PSD3: variants seen among roughly 807,000 people sequenced by gnomAD.
The protein encoded by PSD3 is pleckstrin and Sec7 domain containing 3, also known as PH and SEC7 domain-containing protein 3.
PSD3 carries 49 observed loss-of-function variants against 105.5 expected under a neutral mutation model. The ratio of observed to expected loss-of-function variants is 0.46; its 90% CI spans 0.37 to 0.59. The LOEUF (loss-of-function observed/expected upper bound fraction) is 0.59. Among genes scored for constraint, PSD3 ranks in the 20% least tolerant of loss-of-function variants. The probability of loss-of-function intolerance (pLI) is 0.00; values close to 1 mark genes in which losing one functional copy is unlikely to be tolerated. For synonymous variants in PSD3, 557 were observed against 457.8 expected (o/e 1.22, Z -2.77); for missense variants, 1,561 against 1,263.8 (o/e 1.24, Z -3.57).
At chr8:19,045,811 T>C (rs1233966272) in intron 1 of PSD3, among the ~76,000 whole-genome samples, 2 of 152,224 alleles carry the variant, frequency 1.3e-5, no homozygotes, top group African/African-American at 2.4e-5. Context: ...AGCATTCCAC[T>C]AGATGCTTTA....
intron 4 of PSD3, among the ~76,000 whole-genome samples, chr8:18,814,089 A>T (rs923464528): frequency 4.6e-5 from 7 of 152,254 alleles, no homozygotes; most frequent in African/African-American, 1.7e-4. Context: ...ATTCCCTGGA[A>T]GGGACAGCCT....
intron 8 of PSD3, among the ~76,000 whole-genome samples, chr8:18,779,025 C>G (rs550397944): frequency 2.0e-5 from 3 of 152,152 alleles, no homozygotes; most frequent in African/African-American, 7.2e-5. Flanking sequence ...TTGAGGAGAA[C>G]TGATGTTAGA....
chr8:18,946,941 ATAT>A (rs1016847006), intron 1 of PSD3, among the ~76,000 whole-genome samples: 1 of 149,616 alleles, frequency 6.7e-6, no homozygotes, highest in African/African-American at 2.4e-5. Flanking sequence ...TAAATAAAAT[ATAT>A]TATAAAATAA....
chr8:19,062,929 A>G (rs955228791), intron 1 of PSD3, among the ~76,000 whole-genome samples: 1 of 152,220 alleles, frequency 6.6e-6, no homozygotes, highest in Non-Finnish European at 1.5e-5. Context: ...GCCATTAAAA[A>G]CTAGTCAAGA....
intron 11 of PSD3, among the ~76,000 whole-genome samples, chr8:18,608,127 G>C (rs1804994120): frequency 6.6e-6 from 1 of 152,210 alleles, no homozygotes; most frequent in African/African-American, 2.4e-5. Flanking sequence ...GGCTGAAGTA[G>C]GAGGACTGTT....
chr8:18,644,400 A>G (rs766304673), intron 10 of PSD3, among the ~76,000 whole-genome samples: 9 of 152,192 alleles, frequency 5.9e-5, no homozygotes, highest in Non-Finnish European at 1.3e-4. Context: ...CCTTGCTCAT[A>G]AATTCTGCCT....
At chr8:18,667,098 C>G (rs569353093) in intron 9 of PSD3, among the ~76,000 whole-genome samples, 57 of 152,188 alleles carry the variant, frequency 3.7e-4, no homozygotes, top group African/African-American at 1.3e-3. Flanking sequence ...CTCATAAAGG[C>G]AGTGTGGAAG....
At chr8:18,790,863 G>C (rs1488912410) in intron 8 of PSD3, among the ~76,000 whole-genome samples, 1 of 151,724 alleles carries the variant, frequency 6.6e-6, no homozygotes, top group African/African-American at 2.4e-5. Context: ...AAGGTGATAA[G>C]CAACCTTGGC....
intron 9 of PSD3, among the ~76,000 whole-genome samples, chr8:18,707,580 A>G (rs1035182485): frequency 1.1e-4 from 17 of 152,184 alleles, no homozygotes; most frequent in Non-Finnish European, 7.3e-5. Context: ...TATGAGATAG[A>G]TATTATCATC....
chr8:18,572,395 A>G, intron 14 of PSD3, 133 bp downstream of exon 14: 3 of 1,097,104 alleles, frequency 2.7e-6, no homozygotes, highest in East Asian at 2.4e-5. Flanking sequence ...TGCCTCATTT[A>G]TATGATACGC....
chr8:18,744,374 T>C (rs1475883930), intron 9 of PSD3, among the ~76,000 whole-genome samples: 13 of 152,174 alleles, frequency 8.5e-5, no homozygotes, highest in Admixed American at 8.5e-4. Flanking sequence ...GAAGCTATAC[T>C]CTTAACCCCT....
intron 1 of PSD3, among the ~76,000 whole-genome samples, chr8:18,973,002 A>G (rs981097911): frequency 6.6e-6 from 1 of 152,332 alleles, no homozygotes; most frequent in African/African-American, 2.4e-5. Context: ...CAAAACTTCG[A>G]ATTTGGACAA....
chr8:19,015,045 AT>A (rs1446990553), upstream of PSD3, among the ~76,000 whole-genome samples: 10 of 152,164 alleles, frequency 6.6e-5, no homozygotes, highest in Non-Finnish European at 1.3e-4. Context: ...GTTTGGCTGT[AT>A]CCCCACCCAA....
rs1825189713 is a variant in PSD3, at chr8:18,980,364, C to A, written c.21+33199G>T. ...AGGGAAGGAGATGGAGGTAGCTTAT[C>A]TTATGGTCACCTCTTGTCATTTCTC... is the stretch of plus-strand genomic sequence containing the variant. On this transcript the variant is annotated intron_variant, in intron 1 of 15. Coordinates refer to ENST00000327040, the MANE Select transcript of PSD3 (RefSeq NM_015310.4). Among the ~76,000 whole-genome samples the A allele has an allele frequency of 1.3e-5, 2 of 152,164 alleles. 1 individual carries two copies. Among genetic ancestry groups the A allele is most frequent in the South Asian group, 4.2e-4 (2 of 4,818 alleles).
intron 9 of PSD3, among the ~76,000 whole-genome samples, chr8:18,678,486 T>C (rs1800193110): frequency 6.6e-6 from 1 of 152,246 alleles, no homozygotes; most frequent in African/African-American, 2.4e-5. Context: ...ATCAAAACTG[T>C]TCTCTTCGCC....
intron 1 of PSD3, among the ~76,000 whole-genome samples, chr8:19,048,514 T>A (rs1828403337): frequency 6.6e-6 from 1 of 151,666 alleles, no homozygotes; most frequent in Non-Finnish European, 1.5e-5. Context: ...TCAAAGCAGT[T>A]TAACTGCCAA....
At chr8:18,594,487 A>C (rs1045734246) in intron 12 of PSD3, among the ~76,000 whole-genome samples, 1 of 137,726 alleles carries the variant, frequency 7.3e-6, no homozygotes, top group Non-Finnish European at 1.5e-5. Context: ...AAGAAAGATA[A>C]TATTTTCTTA....
chr8:18,991,814 C>G (rs1344591501), intron 1 of PSD3, among the ~76,000 whole-genome samples: 1 of 152,164 alleles, frequency 6.6e-6, no homozygotes, highest in Admixed American at 6.5e-5. Flanking sequence ...TTAAAATCCC[C>G]TTGACTAAAT....
At chr8:18,970,978 C>CAAAA (rs535176539) in intron 1 of PSD3, among the ~76,000 whole-genome samples, 2 of 115,610 alleles carry the variant, frequency 1.7e-5, no homozygotes, top group African/African-American at 6.4e-5. Context: ...GACTCTGTCT[C>CAAAA]AAGAAAAAAA....
Sources: gnomAD v4.1 joint callset for allele counts (sites outside exome capture counted in the v4.1 genomes callset) on GRCh38, gnomAD v4.1.1 for gene constraint, MANE v1.5 for transcripts, NCBI Gene and HGNC (gene_info 2026-07-23, HGNC 2026-07-21) for gene names.